Variants in ENKUR observed in about 807,000 individuals in gnomAD.
The protein encoded by ENKUR is enkurin, TRPC channel interacting protein.
ENKUR carries 19 observed loss-of-function variants against 27.6 expected under a neutral mutation model. That is an observed-to-expected ratio of 0.69 (90% CI 0.48 to 1.01). The LOEUF is 1.01. Ranked by LOEUF, ENKUR falls within the 50% of genes least tolerant of loss-of-function variation. The pLI, the probability that ENKUR is intolerant of heterozygous loss-of-function variation, is 0.00. For missense variants in ENKUR, 312 were observed against 310.5 expected (o/e 1.00, Z -0.04); for synonymous variants, 117 against 96.9 (o/e 1.21, Z -1.22).
intron 2 of ENKUR, among the ~76,000 whole-genome samples, chr10:25,055,013 AGG>A (rs1048299044): frequency 1.3e-5 from 2 of 152,070 alleles, no homozygotes; most frequent in African/African-American, 4.8e-5. Flanking sequence ...TGAGGAAGAG[AGG>A]TTCTGATTGA....
At chr10:25,037,513 C>A (rs1169297919) in intron 2 of ENKUR, among the ~76,000 whole-genome samples, 2 of 152,210 alleles carry the variant, frequency 1.3e-5, no homozygotes, top group East Asian at 3.9e-4. Context: ...TTTCCCATTG[C>A]ATCTTAAAAT....
chr10:24,993,399 T>C (rs972323748), intron 3 of ENKUR, among the ~76,000 whole-genome samples: 1 of 152,258 alleles, frequency 6.6e-6, no homozygotes, highest in African/African-American at 2.4e-5. Context: ...CAATGGATTG[T>C]TGGAAATCAC....
chr10:25,025,867 G>C (rs1850841070), intron 2 of ENKUR: 1 of 170,982 alleles, frequency 5.8e-6, no homozygotes, highest in Non-Finnish European at 1.4e-5. Context: ...ACTCAAAATG[G>C]CTAACTTGAA....
upstream of ENKUR, among the ~76,000 whole-genome samples, chr10:25,018,051 T>C (rs1299505367): frequency 6.6e-6 from 1 of 152,200 alleles, no homozygotes; most frequent in Non-Finnish European, 1.5e-5. Flanking sequence ...AACTGGCCTT[T>C]GGTAGCCTTG....
At chr10:25,057,118 A>G (rs370350481) in intron 2 of ENKUR, among the ~76,000 whole-genome samples, 34 of 152,220 alleles carry the variant, frequency 2.2e-4, no homozygotes, top group African/African-American at 8.2e-4. Flanking sequence ...GAGAAAAAGT[A>G]AAAAGAAAAT....
intron 3 of ENKUR, among the ~76,000 whole-genome samples, chr10:24,991,410 G>A (rs1424824620): frequency 6.6e-6 from 1 of 151,852 alleles, no homozygotes; most frequent in Non-Finnish European, 1.5e-5. Flanking sequence ...AAAACCCCCC[G>A]AGACCCTAGC....
chr10:25,048,969 A>G lies in ENKUR; in HGVS notation c.37+12143T>C, dbSNP rs1053631479. ...CAGAAAGAAAGAGGAAGGAGAAGGC[A>G]TTCAGTGCCTTCTAGGAGGCTGTAT... On this transcript the variant is annotated intron_variant, in intron 2 of 5. Transcript: ENST00000615958. 7.9e-5 allele frequency among the ~76,000 whole-genome samples: 12 copies of G among 152,312 alleles called. No individual in the cohort carries two copies. In the East Asian group the frequency reaches 2.3e-3, roughly 29 times the overall value.
intron 1 of ENKUR, among the ~76,000 whole-genome samples, chr10:25,002,643 T>C (rs1448389005): frequency 6.6e-6 from 1 of 152,232 alleles, no homozygotes; most frequent in Non-Finnish European, 1.5e-5. Flanking sequence ...CCATTTTTGG[T>C]TGAAAGCAGT....
intron 2 of ENKUR, among the ~76,000 whole-genome samples, chr10:25,059,959 G>A (rs921313127): frequency 4.7e-4 from 72 of 152,224 alleles, no homozygotes; most frequent in Non-Finnish European, 1.8e-4. Flanking sequence ...GCCTCGGGCA[G>A]CCTTGTGTGC....
At chr10:24,985,234 A>G (rs1849755922) in intron 4 of ENKUR, among the ~76,000 whole-genome samples, 1 of 152,210 alleles carries the variant, frequency 6.6e-6, no homozygotes, top group Non-Finnish European at 1.5e-5. Context: ...ATGCATGGGT[A>G]AAAAACAACT....
At chr10:24,986,841 A>C (rs1849791549) in intron 4 of ENKUR, among the ~76,000 whole-genome samples, 1 of 152,202 alleles carries the variant, frequency 6.6e-6, no homozygotes, top group Non-Finnish European at 1.5e-5. Context: ...CTAAAAAGAT[A>C]CTTCATGTGT....
At chr10:24,987,403 G>A (rs769122243) in intron 4 of ENKUR, among the ~76,000 whole-genome samples, 21 of 152,100 alleles carry the variant, frequency 1.4e-4, no homozygotes, top group Non-Finnish European at 2.9e-4. Context: ...TTGAGAGGCT[G>A]AGGGAGGAGG....
chr10:24,984,692 T>G lies in ENKUR; in HGVS notation c.764+44A>C, dbSNP rs777884513. On this transcript the variant is annotated intron_variant, in intron 5 of 5. Coordinates refer to ENST00000331161, the MANE Select transcript of ENKUR (RefSeq NM_145010.4). Reference sequence around the variant, plus strand: ...AGTTTTTTATATTTTCCATGTTTTTTTCCCCTACATTGAAATTGTTATACT... The same window carrying G: ...AGTTTTTTATATTTTCCATGTTTTTGTCCCCTACATTGAAATTGTTATACT... 5.3e-6 allele frequency: 8 copies of G among 1,520,966 alleles called. No homozygotes were observed. In the East Asian group the frequency reaches 1.8e-4, roughly 35 times the overall value. The allele number at this position is 1,520,966 out of a possible 1,614,324, so 94.2% of individuals were successfully genotyped here. A position where few individuals can be genotyped will look rare whatever the true frequency, so the allele number is the denominator to read the frequency against.
intron 2 of ENKUR, chr10:25,024,912 A>G (rs753568414): frequency 4.3e-6 from 7 of 1,613,812 alleles, no homozygotes; most frequent in Non-Finnish European, 5.9e-6. Flanking sequence ...TTTCACCGTC[A>G]ATAGATATTC....
At chr10:25,036,854 T>C (rs1289302957) in intron 2 of ENKUR, among the ~76,000 whole-genome samples, 4 of 152,198 alleles carry the variant, frequency 2.6e-5, no homozygotes, top group African/African-American at 9.7e-5. Flanking sequence ...CCCTGGACAA[T>C]TGCCTGCTGG....
chr10:24,986,771 T>C (rs568820124), intron 4 of ENKUR, among the ~76,000 whole-genome samples: 2 of 152,226 alleles, frequency 1.3e-5, no homozygotes. Context: ...GTAGCTAATA[T>C]TTCATATTAT....
chr10:25,050,261 C>A (rs1234232157), intron 2 of ENKUR, among the ~76,000 whole-genome samples: 1 of 152,142 alleles, frequency 6.6e-6, no homozygotes, highest in Admixed American at 6.5e-5. Context: ...AGCATCCAAA[C>A]CATATCAAGT....
intron 5 of ENKUR, 70 bp from the exon 6 acceptor site, chr10:24,984,446 G>A (rs559584835): frequency 7.1e-5 from 105 of 1,481,754 alleles, no homozygotes; most frequent in Non-Finnish European, 9.2e-5. Context: ...AGAAATTAAT[G>A]TTTATGTGAA....
chr10:25,018,636 A>G (rs1234474564), upstream of ENKUR, among the ~76,000 whole-genome samples: 2 of 145,496 alleles, frequency 1.4e-5, no homozygotes, highest in Admixed American at 1.4e-4. Flanking sequence ...TATGCCTGTG[A>G]TGTACATAAA....
Sources: allele counts gnomAD v4.1 joint callset (sites outside exome capture counted in the v4.1 genomes callset), GRCh38; gene constraint gnomAD v4.1.1; transcripts MANE v1.5; gene names NCBI Gene and HGNC (gene_info 2026-07-23, HGNC 2026-07-21).